GPR39: variants seen among roughly 807,000 people sequenced by gnomAD.
GPR39 encodes the protein G protein-coupled receptor 39.
In GPR39, 23 loss-of-function variants were observed where a neutral mutation model predicts 18.4. That is an observed-to-expected ratio of 1.25 (90% confidence interval 0.90 to 1.77). The LOEUF (loss-of-function observed/expected upper bound fraction) is 1.77, where lower values mean the gene tolerates loss of function less well. Ranked by LOEUF, GPR39 falls within the 40% of genes most tolerant of loss-of-function variation. The probability of loss-of-function intolerance (pLI) is 0.00; values close to 1 mark genes in which losing one functional copy is unlikely to be tolerated. For synonymous variants in GPR39, 280 were observed against 257.9 expected, an observed-to-expected ratio of 1.09 and a Z score of -0.82; for missense variants, 647 against 602.4, an observed-to-expected ratio of 1.07 and a Z score of -0.78.
intron 1 of GPR39, among the ~76,000 whole-genome samples, chr2:132,497,588 G>A (rs534770296): frequency 5.9e-5 from 9 of 152,110 alleles, no homozygotes; most frequent in Non-Finnish European, 8.8e-5. Context: ...ACTCACATAG[G>A]ACTTTTATGT....
At chr2:132,488,326 T>A (rs1453679407) in intron 1 of GPR39, among the ~76,000 whole-genome samples, 1 of 152,072 alleles carries the variant, frequency 6.6e-6, no homozygotes, top group Non-Finnish European at 1.5e-5. Flanking sequence ...AAAAACAACA[T>A]GCCTGTCATT....
At chr2:132,590,433 T>C (rs898922259) in intron 1 of GPR39, among the ~76,000 whole-genome samples, 1 of 152,080 alleles carries the variant, frequency 6.6e-6, no homozygotes, top group Non-Finnish European at 1.5e-5. Context: ...GTCACTGGTT[T>C]CCTGTGTGAC....
rs549330658 is a variant in GPR39 at position 132,624,691 on chromosome 2, G to A, written c.857-20410G>A. ...AAAATCAAACAAAATGTAATCTTCC[G>A]CATCTGCCTTCTTCAGTGGACATAT... is the stretch of plus-strand genomic sequence containing the variant. On this transcript the variant is annotated intron_variant, in intron 1 of 1. Transcript: ENST00000329321. Among the ~76,000 whole-genome samples the A allele has an allele frequency of 1.4e-4, 22 of 152,222 alleles. 1 individual carries two copies. In the South Asian group the frequency reaches 2.5e-3, roughly 17 times the overall value.
chr2:132,566,337 C>T (rs1194976139), intron 1 of GPR39, among the ~76,000 whole-genome samples: 2 of 149,850 alleles, frequency 1.3e-5, no homozygotes, highest in Non-Finnish European at 3.0e-5. Flanking sequence ...AAAATTTTCT[C>T]CCATGTTGTA....
chr2:132,646,002 G>T lies in GPR39; in HGVS notation c.*396G>T. The stretch of plus-strand genomic sequence containing the variant: ...AGGGAGGTGGGGGGTTGGGGGCGAG[G>T]GCTGGAAGAACAATGCAGGAGGGGG... On this transcript the variant is annotated 3_prime_UTR_variant, in exon 2 of 2. Coordinates refer to ENST00000329321, the MANE Select transcript of GPR39 (RefSeq NM_001508.3). 7.0e-7 allele frequency: 1 copy of T among 1,435,064 alleles called. No homozygotes were observed. Among genetic ancestry groups the T allele is most frequent in the Non-Finnish European group, 9.4e-7 (1 of 1,068,436 alleles). 88.9% of individuals were successfully genotyped at this position (1,435,064 alleles called of 1,614,324 possible). A position where few individuals can be genotyped will look rare whatever the true frequency, so the allele number is the denominator to read the frequency against.
chr2:132,424,164 C>A lies in GPR39; in HGVS notation c.856+6266C>A, dbSNP rs564441467. Among the ~76,000 whole-genome samples the A allele has an allele frequency of 2.6e-5, 4 of 152,208 alleles. No individual in the cohort carries two copies. The East Asian group carries it at 5.8e-4, about 22-fold the overall frequency. ...ACCATGTATATCTGCCAGAAGTAAC[C>A]GTGAGATGAAAGTGACTAGGGTGGT... On this transcript the variant is annotated intron_variant, in intron 1 of 1. Transcript: ENST00000329321.
intron 1 of GPR39, among the ~76,000 whole-genome samples, chr2:132,571,000 C>T (rs73957930): frequency 0.013 from 2,009 of 152,288 alleles, 48 homozygotes; most frequent in African/African-American, 0.045. Context: ...CTGCTCAGTG[C>T]GCTGTAGGGA....
chr2:132,586,501 A>T (rs150193040), intron 1 of GPR39, among the ~76,000 whole-genome samples: 2 of 152,208 alleles, frequency 1.3e-5, no homozygotes, highest in African/African-American at 4.8e-5. Flanking sequence ...GTCCCTGAGG[A>T]TGTACCCAAA....
intron 1 of GPR39, chr2:132,523,787 A>G (rs1013742508): frequency 6.6e-6 from 1 of 152,656 alleles, no homozygotes; most frequent in African/African-American, 2.4e-5. Flanking sequence ...CAGAGGAGAA[A>G]TGGTCTTTGG....
intron 1 of GPR39, among the ~76,000 whole-genome samples, chr2:132,496,774 G>C (rs1171042585): frequency 6.6e-6 from 1 of 152,168 alleles, no homozygotes; most frequent in Non-Finnish European, 1.5e-5. Flanking sequence ...TGGCCTCCTG[G>C]AATCGCAGCA....
intron 1 of GPR39, among the ~76,000 whole-genome samples, chr2:132,595,664 C>T (rs1001670216): frequency 7.2e-5 from 11 of 152,190 alleles, no homozygotes; most frequent in Middle Eastern, 6.8e-3. Flanking sequence ...GAGTGGGGAA[C>T]TTGTTCAGTA....
chr2:132,484,130 G>A (rs771163462), intron 1 of GPR39, among the ~76,000 whole-genome samples: 1 of 152,146 alleles, frequency 6.6e-6, no homozygotes, highest in African/African-American at 2.4e-5. Flanking sequence ...TTTTAGTGTA[G>A]TATCACCTTC....
intron 1 of GPR39, among the ~76,000 whole-genome samples, chr2:132,444,298 ATTTTTT>A (rs532102745): frequency 6.7e-6 from 1 of 148,798 alleles, no homozygotes; most frequent in East Asian, 2.0e-4. Context: ...CATTATGGGA[ATTTTTT>A]TTTTTAAAGA....
chr2:132,600,141 C>A (rs1173594822), intron 1 of GPR39, among the ~76,000 whole-genome samples: 1 of 152,058 alleles, frequency 6.6e-6, no homozygotes, highest in Non-Finnish European at 1.5e-5. Flanking sequence ...ACAAAATGTC[C>A]CTGAACAACC....
chr2:132,434,579 G>A (rs533838692), intron 1 of GPR39, among the ~76,000 whole-genome samples: 1 of 152,160 alleles, frequency 6.6e-6, no homozygotes, highest in African/African-American at 2.4e-5. Flanking sequence ...TCTAGATTGG[G>A]GCCATAAAGA....
intron 1 of GPR39, among the ~76,000 whole-genome samples, chr2:132,514,832 T>C (rs1204777419): frequency 6.6e-6 from 1 of 152,220 alleles, no homozygotes; most frequent in Non-Finnish European, 1.5e-5. Flanking sequence ...AAGCCTATTT[T>C]GGTAACAAAT....
intron 1 of GPR39, among the ~76,000 whole-genome samples, chr2:132,632,316 G>A (rs115226081): frequency 2.6e-5 from 4 of 152,088 alleles, no homozygotes; most frequent in African/African-American, 9.7e-5. Flanking sequence ...AAAGTTTATT[G>A]TGTTTCCCTT....
chr2:132,619,764 G>A (rs1037279459), intron 1 of GPR39, among the ~76,000 whole-genome samples: 43 of 151,700 alleles, frequency 2.8e-4, no homozygotes, highest in African/African-American at 1.0e-3. Flanking sequence ...ACTCTCATCA[G>A]TCCTTGGGGC....
intron 1 of GPR39, among the ~76,000 whole-genome samples, chr2:132,571,884 G>A (rs535020725): frequency 1.3e-5 from 2 of 152,326 alleles, no homozygotes; most frequent in Non-Finnish European, 2.9e-5. Context: ...GAAGATCTAT[G>A]CATCTTGGAA....
Sources: gnomAD v4.1 joint callset for allele counts (sites outside exome capture counted in the v4.1 genomes callset) on GRCh38, gnomAD v4.1.1 for gene constraint, MANE v1.5 for transcripts, NCBI Gene and HGNC (gene_info 2026-07-23, HGNC 2026-07-21) for gene names.